The following CPEB1 variants were observed in gnomAD, a reference collection of about 807,000 sequenced individuals.
CPEB1 encodes the protein cytoplasmic polyadenylation element binding protein 1, also known as cytoplasmic polyadenylation element-binding protein 1.
Under a neutral mutation model 65.8 loss-of-function variants are expected in CPEB1, and 7 were observed. The ratio of observed to expected loss-of-function variants is 0.11; its 90% CI spans 0.06 to 0.20. CPEB1 has a LOEUF of 0.20. Ranked by LOEUF, CPEB1 falls within the 10% of genes least tolerant of loss-of-function variation. The pLI, the probability that CPEB1 is intolerant of heterozygous loss-of-function variation, is 1.00. For synonymous variants in CPEB1, 262 were observed against 260.0 expected (o/e 1.01, Z -0.08); for missense variants, 551 against 712.2 (o/e 0.77, Z 2.58).
intron 9 of CPEB1, among the ~76,000 whole-genome samples, chr15:82,551,523 T>C (rs1368452885): frequency 6.6e-6 from 1 of 152,190 alleles, no homozygotes; most frequent in Non-Finnish European, 1.5e-5. Context: ...ACAGAATAGT[T>C]TCACTGCCCT....
At chr15:82,605,984 G>A (rs892151194) in intron 3 of CPEB1, among the ~76,000 whole-genome samples, 6 of 152,178 alleles carry the variant, frequency 3.9e-5, no homozygotes, top group Admixed American at 2.0e-4. Context: ...GTTGTGGTGA[G>A]GCGAGATCGC....
chr15:82,606,972 A>G (rs1338224460), intron 3 of CPEB1, among the ~76,000 whole-genome samples: 1 of 152,112 alleles, frequency 6.6e-6, no homozygotes, highest in East Asian at 1.9e-4. Context: ...GTCTCTTTAA[A>G]AAAAACAAGA....
At chr15:82,590,762 G>C (rs1241026545) in intron 3 of CPEB1, among the ~76,000 whole-genome samples, 1 of 152,124 alleles carries the variant, frequency 6.6e-6, no homozygotes, top group Non-Finnish European at 1.5e-5. Flanking sequence ...GTGAGAACAT[G>C]TGGTATTTGA....
intron 1 of CPEB1, among the ~76,000 whole-genome samples, chr15:82,637,104 C>G (rs1412957291): frequency 6.6e-6 from 1 of 152,172 alleles, no homozygotes; most frequent in African/African-American, 2.4e-5. Context: ...GTCTGGGATT[C>G]TGATTTAAGC....
At chr15:82,571,798 C>T in intron 3 of CPEB1, 1 of 1,252,392 alleles carries the variant, frequency 8.0e-7, no homozygotes, top group Non-Finnish European at 1.0e-6. Context: ...GCTGATGCTT[C>T]CCGCTGCCAG....
At chr15:82,630,618 A>G (rs1208550725) in intron 1 of CPEB1, among the ~76,000 whole-genome samples, 1 of 151,956 alleles carries the variant, frequency 6.6e-6, no homozygotes, top group African/African-American at 2.4e-5. Flanking sequence ...AAAAAAAAAG[A>G]AAGAAAAAGA....
chr15:82,638,735 A>G (rs2046865864), intron 1 of CPEB1: 1 of 152,208 alleles, frequency 6.6e-6, no homozygotes, highest in African/African-American at 2.4e-5. Context: ...ATATGAAGCA[A>G]AAGTACTTTA....
intron 3 of CPEB1, chr15:82,583,551 T>C (rs2151110338): frequency 6.6e-6 from 1 of 152,302 alleles, no homozygotes; most frequent in South Asian, 2.1e-4. Flanking sequence ...TGGAGAGCAA[T>C]CTGACAAAAA....
chr15:82,561,566 C>T (rs1434970987), intron 4 of CPEB1, among the ~76,000 whole-genome samples: 2 of 152,126 alleles, frequency 1.3e-5, no homozygotes, highest in Non-Finnish European at 2.9e-5. Flanking sequence ...TGGTAACTGT[C>T]CTCACCCAAG....
chr15:82,574,929 G>T (rs536236901), intron 3 of CPEB1, among the ~76,000 whole-genome samples: 2 of 152,160 alleles, frequency 1.3e-5, no homozygotes, highest in African/African-American at 4.8e-5. Flanking sequence ...GCACATTATA[G>T]CTTAGCCTAG....
At chr15:82,592,080 G>T (rs1340730397) in intron 3 of CPEB1, among the ~76,000 whole-genome samples, 1 of 151,698 alleles carries the variant, frequency 6.6e-6, no homozygotes, top group African/African-American at 2.4e-5. Context: ...TGGCTCAATT[G>T]ATCCGCCCGC....
At chr15:82,579,214 C>A (rs2040977710) in intron 3 of CPEB1, among the ~76,000 whole-genome samples, 1 of 152,164 alleles carries the variant, frequency 6.6e-6, no homozygotes, top group Non-Finnish European at 1.5e-5. Context: ...GTAATCCCAA[C>A]ACTTTAGGGG....
Position 82,556,134 on chromosome 15 carries a change from A to G in CPEB1, c.688-12T>C, listed in dbSNP as rs763118203. The G allele has an allele frequency of 3.8e-5, 60 of 1,587,592 alleles. No homozygotes were observed. Among genetic ancestry groups the G allele is most frequent in the Non-Finnish European group, 6.0e-6 (7 of 1,172,170 alleles). On this transcript the variant is annotated splice_polypyrimidine_tract_variant and intron_variant, in intron 5 of 12. Transcript: ENST00000684509. ...ATGCGAAGGCTTGACTAGGGGAGGA[A>G]AAAGGAAGACAGGGTTTTAAAGGCT...
intron 9 of CPEB1, 21 bp from the exon 10 acceptor site, chr15:82,549,679 T>A: frequency 6.2e-7 from 1 of 1,611,648 alleles, no homozygotes; most frequent in Non-Finnish European, 8.5e-7. Context: ...CCCAAAGGTG[T>A]ATCAGCCCTG....
At chr15:82,544,750 A>T in intron 12 of CPEB1, 48 bp from the exon 13 acceptor site, 7 of 1,369,980 alleles carry the variant, frequency 5.1e-6, no homozygotes, top group Non-Finnish European at 7.2e-6. Flanking sequence ...TGTCAGCACC[A>T]GACACAGGAG....
intron 3 of CPEB1, among the ~76,000 whole-genome samples, chr15:82,622,553 G>A (rs929861837): frequency 3.3e-5 from 5 of 151,898 alleles, no homozygotes; most frequent in Non-Finnish European, 2.9e-5. Context: ...CATCATGCCC[G>A]GTTAATTTTT....
At chr15:82,628,046 C>G (rs1369925616) in intron 2 of CPEB1, 2 of 609,382 alleles carry the variant, frequency 3.3e-6, no homozygotes, top group Non-Finnish European at 5.8e-6. Flanking sequence ...CTTTAAGGCT[C>G]ATTACACATG....
chr15:82,648,517 G>A (rs1289627337), upstream of CPEB1: 1 of 152,388 alleles, frequency 6.6e-6, no homozygotes, highest in East Asian at 1.9e-4. Flanking sequence ...GACATCACTG[G>A]TCCTCTTTGG....
chr15:82,556,111 G>A lies in CPEB1; in HGVS notation c.699C>T (p.Arg233=). ...ACAGGAAGGGCAGAGGTGGAGAAAT[G>A]CGAAGGCTTGACTAGGGGAGGAAAA... ...DHLSDLISSL[R]ISPPLPFLSL... Residue 233 remains arginine, a synonymous_variant, in exon 6 of 13, where the codon CGC becomes CGT. Transcript: ENST00000684509. The A allele has an allele frequency of 1.9e-6, 3 of 1,604,844 alleles. No individual in the cohort carries two copies. Among genetic ancestry groups the A allele is most frequent in the Non-Finnish European group, 2.5e-6 (3 of 1,176,668 alleles).
Sources: gnomAD v4.1 joint callset for allele counts (sites outside exome capture counted in the v4.1 genomes callset) on GRCh38, gnomAD v4.1.1 for gene constraint, MANE v1.5 for transcripts, NCBI Gene and HGNC (gene_info 2026-07-23, HGNC 2026-07-21) for gene names.